The following VPS13B variants were observed in gnomAD, a reference collection of about 807,000 sequenced individuals.
VPS13B encodes the protein vacuolar protein sorting 13 homolog B, also known as intermembrane lipid transfer protein VPS13B.
In VPS13B, 285 loss-of-function variants were observed where a neutral mutation model predicts 426.4. The ratio of observed to expected loss-of-function variants is 0.67; its 90% CI spans 0.61 to 0.74. The LOEUF (loss-of-function observed/expected upper bound fraction) is 0.74. VPS13B is among the 30% of genes least tolerant of loss of function. The pLI, the probability that VPS13B is intolerant of heterozygous loss-of-function variation, is 0.00. For synonymous variants in VPS13B, 1,676 were observed against 1,676.4 expected (o/e 1.00, Z 0.01); for missense variants, 4,537 against 4,782.6 (o/e 0.95, Z 1.51).
intron 2 of VPS13B, among the ~76,000 whole-genome samples, chr8:99,014,758 C>A (rs1379998001): frequency 2.0e-5 from 3 of 150,872 alleles, no homozygotes; most frequent in Non-Finnish European, 4.4e-5. Context: ...ACGGCATCCT[C>A]AGAGTGTTGA....
chr8:99,450,009 T>C (rs1392302219), intron 23 of VPS13B, among the ~76,000 whole-genome samples: 1 of 152,120 alleles, frequency 6.6e-6, no homozygotes, highest in Non-Finnish European at 1.5e-5. Context: ...TTCATCATGT[T>C]GGCCAGGATG....
At chr8:99,817,090 T>C (rs1252932801) in intron 44 of VPS13B, among the ~76,000 whole-genome samples, 2 of 151,974 alleles carry the variant, frequency 1.3e-5, no homozygotes, top group Non-Finnish European at 2.9e-5. Flanking sequence ...TGTCCCCTGA[T>C]TCACCTCTGT....
intron 17 of VPS13B, among the ~76,000 whole-genome samples, chr8:99,222,038 G>T (rs969874851): frequency 6.6e-6 from 1 of 152,162 alleles, no homozygotes; most frequent in African/African-American, 2.4e-5. Flanking sequence ...GGCTCTGAAT[G>T]GTATTTATTT....
At chr8:99,760,804 C>G (rs1274386672) in intron 39 of VPS13B, among the ~76,000 whole-genome samples, 1 of 152,192 alleles carries the variant, frequency 6.6e-6, no homozygotes. Flanking sequence ...TGCACATTTA[C>G]AGACTTTTCT....
chr8:99,049,424 A>T (rs1843411516), intron 3 of VPS13B, among the ~76,000 whole-genome samples: 1 of 151,872 alleles, frequency 6.6e-6, no homozygotes, highest in Non-Finnish European at 1.5e-5. Flanking sequence ...TATGAAGCTT[A>T]GTTTTGCTGG....
intron 39 of VPS13B, among the ~76,000 whole-genome samples, chr8:99,739,297 G>C (rs933937585): frequency 1.3e-5 from 2 of 152,218 alleles, no homozygotes; most frequent in African/African-American, 4.8e-5. Context: ...CCATTGCTGA[G>C]GCTTGAGTAG....
intron 34 of VPS13B, among the ~76,000 whole-genome samples, chr8:99,653,096 GT>G (rs1227481898): frequency 2.6e-5 from 4 of 152,092 alleles, no homozygotes; most frequent in Non-Finnish European, 5.9e-5. Context: ...TGGTGCTTTA[GT>G]TTTCTAATCT....
chr8:99,317,445 A>G (rs894651413), intron 19 of VPS13B, among the ~76,000 whole-genome samples: 1 of 152,194 alleles, frequency 6.6e-6, no homozygotes, highest in Non-Finnish European at 1.5e-5. Flanking sequence ...TTATAATAAT[A>G]CTATGCAATT....
At chr8:99,310,256 G>A (rs564492606) in intron 19 of VPS13B, among the ~76,000 whole-genome samples, 3 of 152,252 alleles carry the variant, frequency 2.0e-5, no homozygotes, top group African/African-American at 7.2e-5. Flanking sequence ...TCCCTGTCTT[G>A]TGCCGGTTTT....
At position 99,112,183 on chromosome 8, in the gene VPS13B, A is replaced by C. The variant is rs141814919; in HGVS notation, c.762+904A>C. ...ACATTGTTTGTCTGCCTATCATTGT[A>C]TCTTGGAAAAAGAATTCAGTGACTT... On this transcript the variant is annotated intron_variant, in intron 6 of 61. Transcript: ENST00000357162. 6.1e-3 allele frequency among the ~76,000 whole-genome samples: 926 copies of C among 152,302 alleles called. 13 individuals carry two copies. Among genetic ancestry groups the C allele is most frequent in the African/African-American group, 0.021 (881 of 41,570 alleles).
chr8:99,161,722 G>A (rs926234399), intron 15 of VPS13B, among the ~76,000 whole-genome samples: 2 of 147,640 alleles, frequency 1.4e-5, no homozygotes, highest in Non-Finnish European at 3.0e-5. Flanking sequence ...GGTGTTAAGT[G>A]TACTAAATCC....
intron 19 of VPS13B, among the ~76,000 whole-genome samples, chr8:99,353,971 G>A (rs1289420976): frequency 1.3e-5 from 2 of 152,000 alleles, no homozygotes; most frequent in Non-Finnish European, 2.9e-5. Context: ...AAATGTGGTT[G>A]AATTGATTTC....
chr8:99,231,838 T>C (rs1348722763), intron 17 of VPS13B, among the ~76,000 whole-genome samples: 1 of 152,168 alleles, frequency 6.6e-6, no homozygotes, highest in African/African-American at 2.4e-5. Flanking sequence ...CTTCACATTT[T>C]TTTAAAAAAG....
intron 23 of VPS13B, among the ~76,000 whole-genome samples, chr8:99,459,860 T>C (rs1015920396): frequency 1.6e-4 from 24 of 152,178 alleles, no homozygotes; most frequent in African/African-American, 4.1e-4. Flanking sequence ...TTATGCAATA[T>C]CTGTCTCTGT....
At chr8:99,435,348 T>C (rs1185919926) in intron 22 of VPS13B, among the ~76,000 whole-genome samples, 1 of 152,192 alleles carries the variant, frequency 6.6e-6, no homozygotes, top group East Asian at 1.9e-4. Context: ...AATAATGTGG[T>C]ATAATTATCC....
chr8:99,129,671 G>A (rs1214014687), intron 8 of VPS13B, among the ~76,000 whole-genome samples: 1 of 151,806 alleles, frequency 6.6e-6, no homozygotes, highest in African/African-American at 2.4e-5. Flanking sequence ...GTGGAAGATT[G>A]TGAGGGAAGT....
At chr8:99,605,813 A>G (rs1318393465) in intron 33 of VPS13B, among the ~76,000 whole-genome samples, 1 of 152,174 alleles carries the variant, frequency 6.6e-6, no homozygotes, top group East Asian at 1.9e-4. Flanking sequence ...TACAAATTAT[A>G]ATTACAAAAT....
intron 19 of VPS13B, among the ~76,000 whole-genome samples, chr8:99,305,404 A>G (rs949051483): frequency 3.9e-5 from 6 of 152,182 alleles, no homozygotes; most frequent in Non-Finnish European, 7.4e-5. Flanking sequence ...GATTATTTCA[A>G]GTATATGGGA....
chr8:99,696,615 G>C, intron 35 of VPS13B: 3 of 654,650 alleles, frequency 4.6e-6, no homozygotes, highest in Non-Finnish European at 8.7e-6. Context: ...GAGCCTGAAG[G>C]AGCTTCGGGT....
Sources: allele counts gnomAD v4.1 joint callset (sites outside exome capture counted in the v4.1 genomes callset), GRCh38; gene constraint gnomAD v4.1.1; transcripts MANE v1.5; gene names NCBI Gene and HGNC (gene_info 2026-07-23, HGNC 2026-07-21).